Variants in PRDM5 observed in about 807,000 individuals in gnomAD.
PRDM5 encodes the protein PR/SET domain 5, also known as PR domain zinc finger protein 5.
Under a neutral mutation model 81.2 loss-of-function variants are expected in PRDM5, and 56 were observed. The ratio of observed to expected loss-of-function variants is 0.69; its 90% confidence interval spans 0.56 to 0.86. The LOEUF is 0.86. Among genes scored for constraint, PRDM5 ranks in the 40% least tolerant of loss-of-function variants. The pLI, the probability that PRDM5 is intolerant of heterozygous loss-of-function variation, is 0.00. For missense variants in PRDM5, 697 were observed against 770.1 expected (o/e 0.91, Z 1.12); for synonymous variants, 267 against 256.4 (o/e 1.04, Z -0.39).
chr4:120,689,151 C>A (rs866305630), downstream of PRDM5, among the ~76,000 whole-genome samples: 1 of 152,150 alleles, frequency 6.6e-6, no homozygotes, highest in Admixed American at 6.6e-5. Flanking sequence ...AACTCACATA[C>A]TTAGTCTAAT....
chr4:120,840,841 C>A (rs1391765473), intron 3 of PRDM5, among the ~76,000 whole-genome samples: 1 of 152,162 alleles, frequency 6.6e-6, no homozygotes, highest in Admixed American at 6.5e-5. Context: ...ATGATGGCAG[C>A]GGCCACTCGA....
At chr4:120,718,219 C>T (rs1325990749) in intron 14 of PRDM5, among the ~76,000 whole-genome samples, 2 of 152,152 alleles carry the variant, frequency 1.3e-5, no homozygotes, top group Non-Finnish European at 2.9e-5. Flanking sequence ...AAATAATTTC[C>T]ATGTGACCAA....
chr4:120,884,687 A>C (rs1763209338), intron 2 of PRDM5, among the ~76,000 whole-genome samples: 1 of 152,208 alleles, frequency 6.6e-6, no homozygotes, highest in African/African-American at 2.4e-5. Flanking sequence ...GTTCATTTTC[A>C]TGGGGGACAC....
chr4:120,754,403 A>G, intron 14 of PRDM5, 150 bp downstream of exon 14: 2 of 500,490 alleles, frequency 4.0e-6, no homozygotes, highest in Non-Finnish European at 6.7e-6. Flanking sequence ...TTTTATCTTT[A>G]AAAAAAATTA....
At chr4:120,700,095 G>T (rs1000173144) in intron 15 of PRDM5, among the ~76,000 whole-genome samples, 2 of 152,086 alleles carry the variant, frequency 1.3e-5, no homozygotes, top group Admixed American at 1.3e-4. Context: ...TACAAAATCA[G>T]ACACATACAC....
chr4:120,890,458 A>G (rs1183204170), intron 2 of PRDM5, among the ~76,000 whole-genome samples: 1 of 152,194 alleles, frequency 6.6e-6, no homozygotes, highest in African/African-American at 2.4e-5. Flanking sequence ...TATCTAAACC[A>G]TATCAATTTC....
At chr4:120,809,644 AC>A (rs1172281128) in intron 8 of PRDM5, among the ~76,000 whole-genome samples, 1 of 152,202 alleles carries the variant, frequency 6.6e-6, no homozygotes, top group African/African-American at 2.4e-5. Context: ...AATTTAAGAT[AC>A]TAGACTATAG....
chr4:120,881,139 C>G (rs1187451653), intron 2 of PRDM5, among the ~76,000 whole-genome samples: 1 of 152,116 alleles, frequency 6.6e-6, no homozygotes, highest in East Asian at 1.9e-4. Flanking sequence ...TTTCCCTTCC[C>G]TGGAGCTTCA....
chr4:120,748,202 G>T (rs1223573989), intron 14 of PRDM5, among the ~76,000 whole-genome samples: 1 of 152,188 alleles, frequency 6.6e-6, no homozygotes, highest in Non-Finnish European at 1.5e-5. Flanking sequence ...GTGTAGTTTG[G>T]AGTGGTAAAG....
intron 11 of PRDM5, 87 bp downstream of exon 11, chr4:120,784,911 C>T: frequency 9.5e-7 from 1 of 1,056,796 alleles, no homozygotes; most frequent in South Asian, 1.3e-5. Context: ...TATAGGCACA[C>T]CTCTGGGATG....
intron 2 of PRDM5, among the ~76,000 whole-genome samples, chr4:120,867,000 C>T (rs140575367): frequency 7.0e-4 from 107 of 152,206 alleles, no homozygotes; most frequent in Middle Eastern, 6.8e-3. Flanking sequence ...GATTGAGGGG[C>T]TCACAGGGTG....
intron 6 of PRDM5, 25 bp from the exon 7 acceptor site, chr4:120,816,599 A>G: frequency 9.9e-6 from 16 of 1,613,908 alleles, no homozygotes; most frequent in Non-Finnish European, 1.4e-5. Flanking sequence ...GCAAAGCGGA[A>G]CAGGAAGAAA....
At chr4:120,831,216 A>T (rs2149369531) in intron 3 of PRDM5, among the ~76,000 whole-genome samples, 1 of 152,092 alleles carries the variant, frequency 6.6e-6, no homozygotes, top group African/African-American at 2.4e-5. Flanking sequence ...TCTTATTGCA[A>T]ATTTGCTTTA....
At chr4:120,842,935 C>T (rs1232931318) in intron 3 of PRDM5, among the ~76,000 whole-genome samples, 1 of 152,102 alleles carries the variant, frequency 6.6e-6, no homozygotes, top group Non-Finnish European at 1.5e-5. Context: ...ATATATGAGC[C>T]CCATAAGGCT....
intron 14 of PRDM5, among the ~76,000 whole-genome samples, chr4:120,736,199 TTGTGTGTGTGTGTGTGTGTG>T (rs57073985): frequency 7.2e-4 from 105 of 145,246 alleles, no homozygotes; most frequent in Admixed American, 1.6e-3. Flanking sequence ...TACTATCCTT[TTGTGTGTGTGTGTGTGTGTG>T]TGTGTGTGTG....
chr4:120,850,624 C>T (rs563073007), intron 3 of PRDM5, among the ~76,000 whole-genome samples: 1 of 152,206 alleles, frequency 6.6e-6, no homozygotes, highest in South Asian at 2.1e-4. Flanking sequence ...TTGCTCTGCA[C>T]CAAAAGCCTC....
rs775968070 is a variant in PRDM5 at position 120,886,063 on chromosome 4, G to T, written c.177+21411C>A. 2.0e-5 allele frequency among the ~76,000 whole-genome samples: 3 copies of T among 152,166 alleles called. No individual in the cohort carries two copies. In the South Asian group the frequency reaches 6.2e-4, roughly 32 times the overall value. On this transcript the variant is annotated intron_variant, in intron 2 of 15. Coordinates refer to ENST00000264808, the MANE Select transcript of PRDM5 (RefSeq NM_018699.4). The stretch of plus-strand genomic sequence containing the variant: ...AACTTCCAGAAGACATGAAACATTC[G>T]ATTGCTTTGCATTTTCCCTAACTAG...
At chr4:120,784,107 T>C (rs1190046597) in intron 11 of PRDM5, among the ~76,000 whole-genome samples, 1 of 152,068 alleles carries the variant, frequency 6.6e-6, no homozygotes, top group Non-Finnish European at 1.5e-5. Flanking sequence ...ATTTTAGATA[T>C]AGTACTGTAG....
chr4:120,775,413 G>T (rs893479180), intron 13 of PRDM5, among the ~76,000 whole-genome samples: 1 of 152,030 alleles, frequency 6.6e-6, no homozygotes, highest in African/African-American at 2.4e-5. Flanking sequence ...GCCATACTAT[G>T]AGTAAAATAA....
Sources: allele counts gnomAD v4.1 joint callset (sites outside exome capture counted in the v4.1 genomes callset), GRCh38; gene constraint gnomAD v4.1.1; transcripts MANE v1.5; gene names NCBI Gene and HGNC (gene_info 2026-07-23, HGNC 2026-07-21).